MSRA: variants seen among roughly 807,000 people sequenced by gnomAD.
The protein encoded by MSRA is mitochondrial peptide methionine sulfoxide reductase.
In MSRA, 54 loss-of-function variants were observed where a neutral mutation model predicts 31.3. The ratio of observed to expected loss-of-function variants is 1.73; its 90% CI spans 1.39 to 2.17. MSRA has a LOEUF of 2.17. MSRA is among the 30% of genes most tolerant of loss of function. The probability of loss-of-function intolerance (pLI) is 0.00; values close to 1 mark genes in which losing one functional copy is unlikely to be tolerated. For missense variants in MSRA, 507 were observed against 300.9 expected (o/e 1.69, Z -5.07); for synonymous variants, 169 against 116.5 (o/e 1.45, Z -2.90).
chr8:10,215,488 G>T (rs1427600382), intron 2 of MSRA, among the ~76,000 whole-genome samples: 1 of 152,208 alleles, frequency 6.6e-6, no homozygotes, highest in Non-Finnish European at 1.5e-5. Context: ...GGTGAGCTGT[G>T]ATCAAGTCCC....
At chr8:10,412,536 G>T (rs1476451532) in intron 5 of MSRA, among the ~76,000 whole-genome samples, 1 of 152,072 alleles carries the variant, frequency 6.6e-6, no homozygotes, top group South Asian at 2.1e-4. Flanking sequence ...ATGGGACAGG[G>T]GTTACGCGTT....
At chr8:10,061,557 T>C (rs1802729243) in intron 1 of MSRA, among the ~76,000 whole-genome samples, 1 of 152,144 alleles carries the variant, frequency 6.6e-6, no homozygotes. Flanking sequence ...CCCCACGTAG[T>C]GAGCTCACAG....
Position 10,428,391 on chromosome 8 carries a change from A to G in MSRA, c.*79A>G, listed in dbSNP as rs899576020. ...TTGGGCAATGCTTGTGTGATTCACA[A>G]TCGTGGCATTTAAAGTGCACAAAGT... is the stretch of plus-strand genomic sequence containing the variant. On this transcript the variant is annotated 3_prime_UTR_variant, in exon 6 of 6. Coordinates refer to ENST00000317173, the MANE Select transcript of MSRA (RefSeq NM_012331.5). 6.4e-5 allele frequency: 95 copies of G among 1,473,308 alleles called. No individual in the cohort carries two copies. The highest frequency in any genetic ancestry group is 1.7e-4 in the Middle Eastern group (1 of 5,792). The allele number at this position is 1,473,308 out of a possible 1,614,324, so 91.3% of individuals were successfully genotyped here.
At chr8:10,232,737 C>G (rs887044019) in intron 2 of MSRA, among the ~76,000 whole-genome samples, 1 of 152,094 alleles carries the variant, frequency 6.6e-6, no homozygotes, top group Non-Finnish European at 1.5e-5. Flanking sequence ...TGAGTAATGA[C>G]AGATTAAAAT....
intron 1 of MSRA, among the ~76,000 whole-genome samples, chr8:10,090,977 A>T (rs969306569): frequency 1.3e-5 from 2 of 152,224 alleles, no homozygotes; most frequent in African/African-American, 4.8e-5. Flanking sequence ...ATTATGAACA[A>T]TGATTCTGTG....
intron 1 of MSRA, among the ~76,000 whole-genome samples, chr8:10,158,056 A>C (rs4527876): frequency 0.25 from 38,748 of 152,044 alleles, 5,989 homozygotes; most frequent in East Asian, 0.5. Context: ...TGATGAGGGC[A>C]CACTTCCTGC....
intron 4 of MSRA, among the ~76,000 whole-genome samples, chr8:10,309,452 C>G (rs931063750): frequency 6.6e-6 from 1 of 152,230 alleles, no homozygotes; most frequent in African/African-American, 2.4e-5. Context: ...TCGTGAATCC[C>G]AGTATTTGTC....
At chr8:10,270,713 C>T (rs561749083) in intron 3 of MSRA, among the ~76,000 whole-genome samples, 44 of 152,322 alleles carry the variant, frequency 2.9e-4, no homozygotes, top group African/African-American at 9.4e-4. Flanking sequence ...GCATTCATAA[C>T]GAGTATTGAC....
rs140552667 is a variant in MSRA at position 10,209,839 on chromosome 8, T to A, written c.211+1938T>A. Among the ~76,000 whole-genome samples, 223 of 152,354 alleles carry A rather than the reference T, an allele frequency of 1.5e-3. 1 individual carries two copies. Among genetic ancestry groups the A allele is most frequent in the Admixed American group, 3.4e-3 (52 of 15,304 alleles). On this transcript the variant is annotated intron_variant, in intron 2 of 5. Coordinates refer to ENST00000317173, the MANE Select transcript of MSRA (RefSeq NM_012331.5). ...GTGTGGTTTTAGAAGAGATGAATCATGTGCATAATTTCTACAAGTTAACAA... is the reference window on the plus strand; with the variant it reads ...GTGTGGTTTTAGAAGAGATGAATCAAGTGCATAATTTCTACAAGTTAACAA...
At chr8:10,239,167 A>T (rs1231679822) in intron 2 of MSRA, among the ~76,000 whole-genome samples, 7 of 146,818 alleles carry the variant, frequency 4.8e-5, no homozygotes, top group African/African-American at 7.5e-5. Context: ...ATATGACATA[A>T]TTTTTTTTTT....
chr8:10,067,725 G>A (rs532475738), intron 1 of MSRA, among the ~76,000 whole-genome samples: 1 of 152,246 alleles, frequency 6.6e-6, no homozygotes, highest in African/African-American at 2.4e-5. Context: ...CAGACATTTA[G>A]TGGGATCTCA....
chr8:10,299,629 G>A (rs1800736128), intron 3 of MSRA, among the ~76,000 whole-genome samples: 1 of 152,030 alleles, frequency 6.6e-6, no homozygotes, highest in African/African-American at 2.4e-5. Context: ...AATTAAAATT[G>A]CTAATAACCA....
At chr8:10,072,224 A>T (rs772904600) in intron 1 of MSRA, among the ~76,000 whole-genome samples, 1 of 151,928 alleles carries the variant, frequency 6.6e-6, no homozygotes, top group Non-Finnish European at 1.5e-5. Flanking sequence ...TGTTGGTGAG[A>T]TGTGTTTCAG....
chr8:10,213,635 A>G (rs1260076415), intron 2 of MSRA, among the ~76,000 whole-genome samples: 1 of 151,604 alleles, frequency 6.6e-6, no homozygotes, highest in Non-Finnish European at 1.5e-5. Flanking sequence ...ACGGGGTTTC[A>G]CCATGTTAGC....
intron 4 of MSRA, among the ~76,000 whole-genome samples, chr8:10,318,529 A>G (rs1801856214): frequency 6.6e-6 from 1 of 152,226 alleles, no homozygotes; most frequent in Admixed American, 6.5e-5. Flanking sequence ...GGAAAGACAT[A>G]TAGGAGTTAT....
chr8:10,336,927 G>A (rs1033492428), intron 5 of MSRA: 3 of 152,184 alleles, frequency 2.0e-5, no homozygotes, highest in Non-Finnish European at 2.9e-5. Flanking sequence ...CTAATCCAGC[G>A]AATTGTTTCC....
In MSRA at chr8:10,148,668, T is replaced by G. The variant is rs541184143; in HGVS notation, c.143-59165T>G. Among the ~76,000 whole-genome samples the G allele has an allele frequency of 7.3e-5, 11 of 151,044 alleles. No homozygotes were observed. In the East Asian group the frequency reaches 2.1e-3, roughly 29 times the overall value. The stretch of plus-strand genomic sequence containing the variant: ...TCTTAAAAAAAAAAAAACGGGAATT[T>G]AGTTATATTTAACAAGTAATCATTT... On this transcript the variant is annotated intron_variant, in intron 1 of 5. Transcript: ENST00000317173.
At chr8:10,284,230 C>A (rs780667627) in intron 3 of MSRA, among the ~76,000 whole-genome samples, 37 of 152,062 alleles carry the variant, frequency 2.4e-4, no homozygotes, top group Non-Finnish European at 3.5e-4. Flanking sequence ...ACTCTTGTTC[C>A]CGGGATGGAG....
At chr8:10,426,725 GATA>G (rs1329797240) in intron 5 of MSRA, among the ~76,000 whole-genome samples, 1 of 152,248 alleles carries the variant, frequency 6.6e-6, no homozygotes, top group Admixed American at 6.5e-5. Flanking sequence ...AAATATGGGT[GATA>G]ATAATAGGAC....
Sources: gnomAD v4.1 joint callset for allele counts (sites outside exome capture counted in the v4.1 genomes callset) on GRCh38, gnomAD v4.1.1 for gene constraint, MANE v1.5 for transcripts, NCBI Gene and HGNC (gene_info 2026-07-23, HGNC 2026-07-21) for gene names.